Variants in THADA observed in about 807,000 individuals in gnomAD.
The protein encoded by THADA is THADA armadillo repeat containing, also known as tRNA (32-2'-O)-methyltransferase regulator THADA.
THADA carries 213 observed loss-of-function variants against 219.8 expected under a neutral mutation model. The observed-to-expected ratio is 0.97, with a 90% confidence interval of 0.87 to 1.09. The LOEUF (loss-of-function observed/expected upper bound fraction) is 1.09. Among genes scored for constraint, THADA ranks in the 50% least tolerant of loss-of-function variants. The pLI is 0.00. For synonymous variants in THADA, 1,018 were observed against 828.9 expected (o/e 1.23, Z -3.92); for missense variants, 2,956 against 2,311.3 (o/e 1.28, Z -5.72).
In THADA at chr2:43,354,373, C is replaced by G. The variant is rs78604262; in HGVS notation, c.4228-10136G>C. ...TATCATTTCTCTGTTATGAACATTC[C>G]AATTATATTTTTAGTTATTTTTAAA... is the stretch of plus-strand genomic sequence containing the variant. On this transcript the variant is annotated intron_variant, in intron 29 of 37. Coordinates refer to ENST00000405975, the MANE Select transcript of THADA (RefSeq NM_022065.5). Among the ~76,000 whole-genome samples the G allele has an allele frequency of 4.4e-3, 671 of 151,910 alleles. 12 individuals are homozygous for G. Among genetic ancestry groups the G allele is most frequent in the East Asian group, 0.044 (226 of 5,172 alleles).
intron 31 of THADA, among the ~76,000 whole-genome samples, chr2:43,301,519 CT>C (rs1392449023): frequency 6.6e-6 from 1 of 152,204 alleles, no homozygotes; most frequent in African/African-American, 2.4e-5. Flanking sequence ...CCATATTCCC[CT>C]ATTCCATCTC....
At chr2:43,360,884 A>T (rs145428016) in intron 29 of THADA, among the ~76,000 whole-genome samples, 25 of 152,348 alleles carry the variant, frequency 1.6e-4, no homozygotes, top group African/African-American at 5.8e-4. Flanking sequence ...CACTAGACTC[A>T]TACTAATACT....
intron 12 of THADA, among the ~76,000 whole-genome samples, chr2:43,572,184 A>T (rs768043750): frequency 6.6e-6 from 1 of 152,106 alleles, no homozygotes; most frequent in Non-Finnish European, 1.5e-5. Context: ...TTACTGCCAG[A>T]CACTTCTAAC....
At position 43,588,184 on chromosome 2, in the gene THADA, G is replaced by A. The variant is rs145346995; in HGVS notation, c.303-1182C>T. 2.6e-3 allele frequency among the ~76,000 whole-genome samples: 393 copies of A among 151,692 alleles called. 1 individual carries two copies. Among genetic ancestry groups the A allele is most frequent in the African/African-American group, 9.1e-3 (375 of 41,388 alleles). ...TCCAAATATGTGGGCAAAGATGGAC[G>A]ATTCAACAGTTTGGGTAAGTGGTTC... is the stretch of plus-strand genomic sequence containing the variant. On this transcript the variant is annotated intron_variant, in intron 4 of 37. Coordinates refer to ENST00000405975, the MANE Select transcript of THADA (RefSeq NM_022065.5).
intron 26 of THADA, among the ~76,000 whole-genome samples, chr2:43,479,257 T>A (rs185899793): frequency 5.1e-4 from 77 of 152,328 alleles, no homozygotes; most frequent in African/African-American, 1.8e-3. Context: ...AATCGACTGA[T>A]TTTTTAAAAT....
At chr2:43,498,634 TG>T (rs1396584207) in intron 25 of THADA, among the ~76,000 whole-genome samples, 198 bp downstream of exon 25, 1 of 150,956 alleles carries the variant, frequency 6.6e-6, no homozygotes, top group Admixed American at 6.6e-5. Context: ...AAAAGAAAGA[TG>T]GCTAACAAGC....
intron 36 of THADA, among the ~76,000 whole-genome samples, chr2:43,235,729 G>T (rs1441817599): frequency 1.3e-5 from 2 of 152,070 alleles, no homozygotes; most frequent in Non-Finnish European, 2.9e-5. Context: ...AGAACCTATG[G>T]GGGTGACCAG....
intron 33 of THADA, 140 bp downstream of exon 33, chr2:43,291,964 G>C: frequency 1.3e-6 from 1 of 763,746 alleles, no homozygotes; most frequent in East Asian, 2.8e-5. Flanking sequence ...TATTGCTTGA[G>C]TTTAGAACTC....
intron 28 of THADA, among the ~76,000 whole-genome samples, chr2:43,422,165 C>A (rs1432865941): frequency 1.3e-5 from 2 of 152,168 alleles, no homozygotes; most frequent in Non-Finnish European, 2.9e-5. Context: ...GAAATATGTT[C>A]TTTTCCTTGA....
intron 28 of THADA, among the ~76,000 whole-genome samples, chr2:43,427,504 T>TGTGTGTGC (rs1045505985): frequency 0.024 from 7 of 288 alleles, no homozygotes; most frequent in African/African-American, 0.061. Flanking sequence ...TCCCAAAGTT[T>TGTGTGTGC]GTGTGTGTGT....
chr2:43,305,617 A>G (rs1676766232), intron 31 of THADA, among the ~76,000 whole-genome samples: 1 of 152,128 alleles, frequency 6.6e-6, no homozygotes, highest in South Asian at 2.1e-4. Flanking sequence ...GGATACTCTA[A>G]AGACTATCCT....
At chr2:43,581,351 A>G (rs55855805) in intron 8 of THADA, among the ~76,000 whole-genome samples, 25,735 of 151,900 alleles carry the variant, frequency 0.17, 2,833 homozygotes, top group African/African-American at 0.31. Flanking sequence ...CCAACATGGC[A>G]AAACCCTTTC....
At chr2:43,487,921 G>A (rs1270786524) in intron 25 of THADA, among the ~76,000 whole-genome samples, 2 of 152,130 alleles carry the variant, frequency 1.3e-5, no homozygotes, top group African/African-American at 4.8e-5. Context: ...CCTCATTAGC[G>A]ATCAATGATG....
chr2:43,490,437 C>A (rs1274651959), intron 25 of THADA, among the ~76,000 whole-genome samples: 1 of 152,116 alleles, frequency 6.6e-6, no homozygotes, highest in Non-Finnish European at 1.5e-5. Flanking sequence ...AGATTTCAGT[C>A]CTTTACCATC....
At chr2:43,589,152 C>A (rs1175749121) in intron 4 of THADA, among the ~76,000 whole-genome samples, 1 of 152,116 alleles carries the variant, frequency 6.6e-6, no homozygotes, top group Non-Finnish European at 1.5e-5. Context: ...AAAGCAGGAT[C>A]TCAAATAGAT....
chr2:43,254,770 T>G (rs1405972664), intron 36 of THADA, among the ~76,000 whole-genome samples: 1 of 152,196 alleles, frequency 6.6e-6, no homozygotes, highest in Non-Finnish European at 1.5e-5. Context: ...CACAGTGACA[T>G]GGAGAACCTG....
chr2:43,541,567 A>G (rs1055241628), intron 20 of THADA, among the ~76,000 whole-genome samples: 2 of 151,500 alleles, frequency 1.3e-5, no homozygotes, highest in Admixed American at 6.6e-5. Context: ...GGGGTGCAGT[A>G]GCATGCTCAT....
intron 26 of THADA, among the ~76,000 whole-genome samples, chr2:43,460,308 A>G (rs992526719): frequency 6.6e-6 from 1 of 150,942 alleles, no homozygotes; most frequent in African/African-American, 2.4e-5. Flanking sequence ...GAACACTTCC[A>G]CATGGGTCAG....
chr2:43,275,460 C>T (rs1046011991), intron 36 of THADA, among the ~76,000 whole-genome samples: 2 of 152,152 alleles, frequency 1.3e-5, no homozygotes, highest in African/African-American at 4.8e-5. Flanking sequence ...AAAGCCATCC[C>T]CCTGCCTGCC....
Sources: gnomAD v4.1 joint callset for allele counts (sites outside exome capture counted in the v4.1 genomes callset) on GRCh38, gnomAD v4.1.1 for gene constraint, MANE v1.5 for transcripts, NCBI Gene and HGNC (gene_info 2026-07-23, HGNC 2026-07-21) for gene names.